Variants in KCNQ5 observed in about 807,000 individuals in gnomAD.
The protein encoded by KCNQ5 is potassium voltage-gated channel subfamily Q member 5, also known as potassium voltage-gated channel subfamily KQT member 5.
KCNQ5 carries 30 observed loss-of-function variants against 98.2 expected under a neutral mutation model. The ratio of observed to expected loss-of-function variants is 0.31; its 90% confidence interval spans 0.23 to 0.41. KCNQ5 has a LOEUF of 0.41. Among genes scored for constraint, KCNQ5 ranks in the 10% least tolerant of loss-of-function variants. The pLI, the probability that KCNQ5 is intolerant of heterozygous loss-of-function variation, is 1.00. For missense variants in KCNQ5, 835 were observed against 1,182.5 expected (o/e 0.71, Z 4.31); for synonymous variants, 458 against 449.4 (o/e 1.02, Z -0.24).
intron 3 of KCNQ5, among the ~76,000 whole-genome samples, chr6:73,046,491 A>G (rs1319886106): frequency 1.3e-5 from 2 of 152,054 alleles, no homozygotes; most frequent in Non-Finnish European, 1.5e-5. Flanking sequence ...ATATTTATTG[A>G]GAACTACTAT....
intron 5 of KCNQ5, among the ~76,000 whole-genome samples, chr6:73,101,952 A>C (rs1184215649): frequency 1.3e-5 from 2 of 152,234 alleles, no homozygotes; most frequent in Non-Finnish European, 2.9e-5. Flanking sequence ...AGCTATCCTA[A>C]GCAAAAAGAG....
At chr6:72,859,074 G>A (rs1167880921) in intron 1 of KCNQ5, among the ~76,000 whole-genome samples, 1 of 152,030 alleles carries the variant, frequency 6.6e-6, no homozygotes, top group African/African-American at 2.4e-5. Flanking sequence ...GATTAGACCT[G>A]TTTATGCCAT....
chr6:72,792,134 T>C (rs1774085390), intron 1 of KCNQ5, among the ~76,000 whole-genome samples: 3 of 152,202 alleles, frequency 2.0e-5, no homozygotes, highest in Admixed American at 6.5e-5. Flanking sequence ...TTAAATATAT[T>C]TGTGAGTCTA....
chr6:72,821,634 T>G (rs1161625169), intron 1 of KCNQ5, among the ~76,000 whole-genome samples: 1 of 152,080 alleles, frequency 6.6e-6, no homozygotes. Flanking sequence ...GTTTTTTTTT[T>G]TAATGTATTA....
chr6:72,933,656 AT>A (rs1448009702), intron 1 of KCNQ5, among the ~76,000 whole-genome samples: 1 of 152,242 alleles, frequency 6.6e-6, no homozygotes, highest in Non-Finnish European at 1.5e-5. Flanking sequence ...TCCTTAAAAA[AT>A]AAGTAAAAAT....
chr6:73,007,146 G>T (rs931819074), intron 2 of KCNQ5, among the ~76,000 whole-genome samples: 1 of 152,120 alleles, frequency 6.6e-6, no homozygotes, highest in Non-Finnish European at 1.5e-5. Context: ...TTGTAAACTT[G>T]TAACTTCACA....
intron 3 of KCNQ5, chr6:73,055,530 A>G: frequency 2.0e-6 from 3 of 1,500,870 alleles, no homozygotes; most frequent in Non-Finnish European, 2.8e-6. Flanking sequence ...CTCACAGAAA[A>G]TCACCTACCC....
At chr6:73,006,061 T>C (rs1769798133) in intron 2 of KCNQ5, among the ~76,000 whole-genome samples, 1 of 152,212 alleles carries the variant, frequency 6.6e-6, no homozygotes, top group African/African-American at 2.4e-5. Context: ...AAAGCATTAA[T>C]ATTTTAATTA....
At chr6:72,689,818 G>T (rs1768125727) in intron 1 of KCNQ5, among the ~76,000 whole-genome samples, 2 of 150,106 alleles carry the variant, frequency 1.3e-5, no homozygotes, top group Non-Finnish European at 3.0e-5. Context: ...CAACAGGAAA[G>T]TGAAAAACAA....
intron 1 of KCNQ5, among the ~76,000 whole-genome samples, chr6:72,720,716 G>A (rs1004429662): frequency 2.0e-5 from 3 of 152,312 alleles, no homozygotes; most frequent in Admixed American, 2.0e-4. Flanking sequence ...ATATTTTACA[G>A]ATTAGTTTGT....
chr6:73,039,785 G>A (rs1771607244), intron 2 of KCNQ5, among the ~76,000 whole-genome samples: 1 of 152,130 alleles, frequency 6.6e-6, no homozygotes, highest in African/African-American at 2.4e-5. Flanking sequence ...TGTGTATTCT[G>A]CTGATGTTGG....
intron 10 of KCNQ5, among the ~76,000 whole-genome samples, chr6:73,147,483 C>A (rs926644333): frequency 6.6e-6 from 1 of 151,970 alleles, no homozygotes; most frequent in Non-Finnish European, 1.5e-5. Flanking sequence ...TTTTAAGAGT[C>A]CTCATGTTGA....
intron 2 of KCNQ5, among the ~76,000 whole-genome samples, chr6:73,014,885 A>G (rs1335831396): frequency 6.6e-6 from 1 of 152,086 alleles, no homozygotes; most frequent in Non-Finnish European, 1.5e-5. Context: ...CATCATTGCC[A>G]CTTCCTATAT....
At chr6:73,044,565 G>A (rs562054776) in intron 3 of KCNQ5, among the ~76,000 whole-genome samples, 116 of 152,220 alleles carry the variant, frequency 7.6e-4, no homozygotes, top group African/African-American at 2.6e-3. Context: ...ATCAGTATGA[G>A]GTCAGTAAAA....
At chr6:72,721,500 A>G (rs992680697) in intron 1 of KCNQ5, among the ~76,000 whole-genome samples, 3 of 152,078 alleles carry the variant, frequency 2.0e-5, no homozygotes, top group Non-Finnish European at 4.4e-5. Context: ...ATAGCCCAGC[A>G]TTTCCCAAAC....
chr6:72,628,095 C>T (rs1450558607), intron 1 of KCNQ5, among the ~76,000 whole-genome samples: 1 of 152,114 alleles, frequency 6.6e-6, no homozygotes, highest in Non-Finnish European at 1.5e-5. Context: ...ATATTAAGTG[C>T]CTAACAAGGT....
intron 1 of KCNQ5, among the ~76,000 whole-genome samples, chr6:72,737,484 T>C (rs1435950113): frequency 6.6e-6 from 1 of 152,088 alleles, no homozygotes; most frequent in Non-Finnish European, 1.5e-5. Context: ...TTTTTTCTCT[T>C]GGAAAGCCAC....
chr6:72,855,891 T>C (rs947044362), intron 1 of KCNQ5, among the ~76,000 whole-genome samples: 2 of 152,212 alleles, frequency 1.3e-5, no homozygotes, highest in African/African-American at 4.8e-5. Flanking sequence ...TGAATTTATC[T>C]TAAGACTTAA....
chr6:73,080,346 T>A (rs1453578651), intron 5 of KCNQ5, among the ~76,000 whole-genome samples: 3 of 152,150 alleles, frequency 2.0e-5, no homozygotes, highest in African/African-American at 7.2e-5. Flanking sequence ...AGAGTAAAAA[T>A]TTTATAAGAG....
Sources: allele counts gnomAD v4.1 joint callset (sites outside exome capture counted in the v4.1 genomes callset), GRCh38; gene constraint gnomAD v4.1.1; transcripts MANE v1.5; gene names NCBI Gene and HGNC (gene_info 2026-07-23, HGNC 2026-07-21).